The following DNPEP variants were observed in gnomAD, a reference collection of about 807,000 sequenced individuals.
DNPEP encodes the protein aspartyl aminopeptidase.
DNPEP carries 46 observed loss-of-function variants against 59.1 expected under a neutral mutation model. The observed-to-expected ratio is 0.78, with a 90% CI of 0.61 to 0.99. DNPEP has a LOEUF of 0.99. Ranked by LOEUF, DNPEP falls within the 50% of genes least tolerant of loss-of-function variation. The pLI, the probability that DNPEP is intolerant of heterozygous loss-of-function variation, is 0.00. For missense variants in DNPEP, 617 were observed against 649.9 expected (o/e 0.95, Z 0.55); for synonymous variants, 229 against 242.2 (o/e 0.95, Z 0.50).
upstream of DNPEP, among the ~76,000 whole-genome samples, chr2:219,389,758 G>A (rs538076693): frequency 4.6e-5 from 7 of 151,890 alleles, no homozygotes; most frequent in South Asian, 1.5e-3. Flanking sequence ...GCTTGAACCC[G>A]GGAGGTGGAG....
chr2:219,384,466 C>A, intron 8 of DNPEP, 23 bp from the exon 9 acceptor site: 1 of 1,596,568 alleles, frequency 6.3e-7, no homozygotes, highest in Non-Finnish European at 8.5e-7. Context: ...GACAGTCAGC[C>A]CGACCTTCAA....
Position 219,375,565 on chromosome 2 carries a change from T to C in DNPEP, c.1240-543A>G, listed in dbSNP as rs907856467. ...TTTATTTAAAAATTTTTATTTTATT[T>C]TATTTATTTATTTTGAGATGGAGTC... On this transcript the variant is annotated intron_variant, in intron 13 of 14. Coordinates refer to ENST00000273075, the MANE Select transcript of DNPEP (RefSeq NM_012100.4). Among the ~76,000 whole-genome samples the C allele has an allele frequency of 5.9e-5, 9 of 152,194 alleles. No individual in the cohort carries two copies. In the East Asian group the frequency reaches 1.7e-3, roughly 29 times the overall value.
chr2:219,384,130 T>G (rs971596326), intron 9 of DNPEP, among the ~76,000 whole-genome samples: 2 of 152,218 alleles, frequency 1.3e-5, no homozygotes, highest in Non-Finnish European at 2.9e-5. Flanking sequence ...CTGAAACAAC[T>G]TCTCCTCCTT....
chr2:219,386,401 C>T lies in DNPEP; in HGVS notation c.344G>A (p.Arg115Gln), dbSNP rs572312244. 7 of 1,614,182 alleles carry T rather than the reference C, an allele frequency of 4.3e-6. No homozygotes were observed. The highest frequency in any genetic ancestry group is 4.0e-5 in the African/African-American group (3 of 75,040). The part of the protein sequence containing the change: ...TDSPCLRVKR[R>Q]SRRSQVGFQQ... ...GAAGCCCACCTGGCTGCGGCGAGACCGACGTTTCACCTGAGTGTAAAGATG... is the reference window on the plus strand; with the variant it reads ...GAAGCCCACCTGGCTGCGGCGAGACTGACGTTTCACCTGAGTGTAAAGATG... The change falls in exon 5 of 15, where the codon CGG (arginine) becomes CAG (glutamine). Residue 115 changes from arginine to glutamine, a missense_variant. Arg to Gln is a conservative substitution (Grantham distance 43). Transcript: ENST00000273075.
intron 13 of DNPEP, 52 bp from the exon 14 acceptor site, chr2:219,375,074 C>G: frequency 1.3e-6 from 2 of 1,580,490 alleles, no homozygotes; most frequent in Non-Finnish European, 1.7e-6. Context: ...CTTATCAGAG[C>G]CAAGGAGGAC....
At chr2:219,385,730 G>A (rs780934041) in intron 6 of DNPEP, 24 bp from the exon 7 acceptor site, 1 of 1,582,318 alleles carries the variant, frequency 6.3e-7, no homozygotes, top group African/African-American at 1.3e-5. Context: ...TGGGTTGTGG[G>A]GGGATTGCGA....
chr2:219,382,721 C>T (rs1027236283), intron 10 of DNPEP, among the ~76,000 whole-genome samples: 34 of 152,158 alleles, frequency 2.2e-4, no homozygotes, highest in African/African-American at 8.0e-4. Context: ...GTGTTCAGGA[C>T]GGCAGGGACC....
At chr2:219,384,067 G>T (rs1574983727) in intron 9 of DNPEP, among the ~76,000 whole-genome samples, 1 of 152,162 alleles carries the variant, frequency 6.6e-6, no homozygotes, top group African/African-American at 2.4e-5. Flanking sequence ...GGCAGAGGTT[G>T]TTAACTTCAG....
At chr2:219,394,586 T>C (rs1954066845) in intron 1 of DNPEP, among the ~76,000 whole-genome samples, 1 of 152,130 alleles carries the variant, frequency 6.6e-6, no homozygotes, top group African/African-American at 2.4e-5. Flanking sequence ...TCATCTCCCA[T>C]CTTTAAATGG....
intron 13 of DNPEP, among the ~76,000 whole-genome samples, chr2:219,379,132 G>A: frequency 6.6e-6 from 1 of 152,036 alleles, no homozygotes; most frequent in East Asian, 1.9e-4. Flanking sequence ...TGGCCAGCTG[G>A]TTTTGAACTC....
Position 219,385,427 on chromosome 2 carries a change from A to C in DNPEP, c.771T>G (p.Pro257=). The C allele has an allele frequency of 6.2e-7, 1 of 1,608,038 alleles. No individual in the cohort carries two copies. Among genetic ancestry groups the C allele is most frequent in the South Asian group, 1.1e-5 (1 of 90,926 alleles). Residue 257 remains proline, a synonymous_variant, in exon 8 of 15, where the codon CCT becomes CCG. Transcript: ENST00000273075. The part of the protein sequence containing the change: ...EMELCLADTQ[P]AVLGGAYDEF... ...GGTTCCTACAGCCAGTCCTCACCGCAGGCTGGGTGTCTGCAAGGCAGAGCT... is the reference window on the plus strand; with the variant it reads ...GGTTCCTACAGCCAGTCCTCACCGCCGGCTGGGTGTCTGCAAGGCAGAGCT...
intron 8 of DNPEP, 153 bp from the exon 9 acceptor site, chr2:219,384,596 T>C: frequency 2.8e-4 from 134 of 481,560 alleles, no homozygotes; most frequent in East Asian, 5.6e-4. Context: ...GAGATGAAGG[T>C]TCGCTCTTGT....
At position 219,387,884 on chromosome 2, in the gene DNPEP, G is replaced by A; in HGVS notation, c.-90C>T. 1.4e-6 allele frequency: 2 copies of A among 1,420,758 alleles called. No homozygotes were observed. The highest frequency in any genetic ancestry group is 9.2e-7 in the Non-Finnish European group (1 of 1,087,974). 88.0% of individuals were successfully genotyped at this position (1,420,758 alleles called of 1,614,324 possible). On this transcript the variant is annotated 5_prime_UTR_variant, in exon 1 of 15. Transcript: ENST00000273075. The stretch of plus-strand genomic sequence containing the variant: ...TCCCCCGCGTGCCCCTTCAGGCCGC[G>A]CCGCACTCGTAGGCCTTCATCACGC...
rs762809116 is a variant in DNPEP at position 219,386,052 on chromosome 2, C to G, written c.506G>C (p.Arg169Pro). 1.6e-5 allele frequency: 26 copies of G among 1,614,002 alleles called. No homozygotes were observed. Among genetic ancestry groups the G allele is most frequent in the Non-Finnish European group, 2.1e-5 (25 of 1,180,032 alleles). The change falls in exon 6 of 15, where the codon CGG (arginine) becomes CCG (proline). Residue 169 changes from arginine (R) to proline (P), a missense_variant. Arg to Pro is a moderately radical substitution (Grantham distance 103). Transcript: ENST00000273075. The part of the protein sequence containing the change: ...RLEQQLVHVE[R>P]PILRIPHLAI... Reference sequence around the variant, plus strand: ...CAGGTGTGGGATGCGAAGAATGGGCCGCTCCACGTGCACCAGCTGCTGCTC... The same window carrying G: ...CAGGTGTGGGATGCGAAGAATGGGCGGCTCCACGTGCACCAGCTGCTGCTC...
chr2:219,386,683 C>T lies in DNPEP; in HGVS notation c.315G>A (p.Thr105=), dbSNP rs754260559. ...GNGFSLIGAH[T]DSPCLRVKRR... ...TCCTTACCCGGAGGCAGGGGCTGTC[C>T]GTGTGGGCCCCGATGAGGCTGAAGC... The change falls in exon 4 of 15, where the codon ACG becomes ACA. Residue 105 remains threonine, a synonymous_variant. Coordinates refer to ENST00000273075, the MANE Select transcript of DNPEP (RefSeq NM_012100.4). The T allele has an allele frequency of 4.3e-6, 7 of 1,612,162 alleles. No individual in the cohort carries two copies. The highest frequency in any genetic ancestry group is 5.9e-6 in the Non-Finnish European group (7 of 1,179,524).
At chr2:219,388,093 CACCG>C (rs1375193715), upstream of DNPEP, 15 of 338,852 alleles carry the variant, frequency 4.4e-5, no homozygotes, top group South Asian at 1.9e-4. Context: ...AGCTTGGCCG[CACCG>C]CCCGCCCCGC....
chr2:219,391,518 G>T (rs1204374223), upstream of DNPEP, among the ~76,000 whole-genome samples: 1 of 151,904 alleles, frequency 6.6e-6, no homozygotes, highest in Non-Finnish European at 1.5e-5. Context: ...ATGGATTTTT[G>T]GTTTTCATTA....
At chr2:219,384,483 AC>A (rs1294765399) in intron 8 of DNPEP, 40 bp from the exon 9 acceptor site, 2 of 1,533,684 alleles carry the variant, frequency 1.3e-6, no homozygotes, top group Non-Finnish European at 1.8e-6. Flanking sequence ...TCAACCCTCC[AC>A]CCCCACTCAC....
At position 219,387,871 on chromosome 2, in the gene DNPEP, C is replaced by A; in HGVS notation, c.-77G>T. On this transcript the variant is annotated 5_prime_UTR_variant, in exon 1 of 15. Coordinates refer to ENST00000273075, the MANE Select transcript of DNPEP (RefSeq NM_012100.4). ...CTAGCTTTGCAGGTCCCCCGCGTGC[C>A]CCTTCAGGCCGCGCCGCACTCGTAG... 1 of 1,471,862 alleles carries A rather than the reference C, an allele frequency of 6.8e-7. No individual in the cohort carries two copies. Among genetic ancestry groups the A allele is most frequent in the South Asian group, 1.3e-5 (1 of 75,650 alleles). The allele number at this position is 1,471,862 out of a possible 1,614,324, so 91.2% of individuals were successfully genotyped here.
Sources: allele counts gnomAD v4.1 joint callset (sites outside exome capture counted in the v4.1 genomes callset), GRCh38; gene constraint gnomAD v4.1.1; transcripts MANE v1.5; gene names NCBI Gene and HGNC (gene_info 2026-07-23, HGNC 2026-07-21).